The following AP3B1 variants were observed in gnomAD, a reference collection of about 807,000 sequenced individuals.
AP3B1 encodes adaptor related protein complex 3 subunit beta 1.
A neutral mutation model predicts 132.5 loss-of-function variants in AP3B1; 61 were observed. The ratio of observed to expected loss-of-function variants is 0.46; its 90% confidence interval spans 0.37 to 0.57. The LOEUF is 0.57. AP3B1 is among the 20% of genes least tolerant of loss of function. AP3B1 has a pLI of 0.00. For synonymous variants in AP3B1, 388 were observed against 438.3 expected, an observed-to-expected ratio of 0.89 and a Z score of 1.43; for missense variants, 1,120 against 1,289.4, an observed-to-expected ratio of 0.87 and a Z score of 2.01.
chr5:78,162,581 T>C (rs1049980343), intron 13 of AP3B1, among the ~76,000 whole-genome samples: 1 of 151,954 alleles, frequency 6.6e-6, no homozygotes, highest in Non-Finnish European at 1.5e-5. Context: ...TTTTCTTAGA[T>C]CTGTTGCGGT....
intron 26 of AP3B1, among the ~76,000 whole-genome samples, chr5:78,012,222 T>C (rs1487368145): frequency 2.0e-5 from 3 of 151,860 alleles, no homozygotes; most frequent in African/African-American, 7.2e-5. Flanking sequence ...TAATATAATA[T>C]GGAACACTAT....
At chr5:78,165,729 T>A in intron 11 of AP3B1, 57 bp from the exon 12 acceptor site, 1 of 1,148,754 alleles carries the variant, frequency 8.7e-7, no homozygotes, top group Non-Finnish European at 1.3e-6. Context: ...AAGATGAATT[T>A]AATAGAGTAC....
chr5:78,059,341 G>C (rs1748944331), intron 22 of AP3B1, among the ~76,000 whole-genome samples: 1 of 152,162 alleles, frequency 6.6e-6, no homozygotes, highest in Non-Finnish European at 1.5e-5. Context: ...CTGACGCCTT[G>C]AAAAATAATA....
intron 17 of AP3B1, among the ~76,000 whole-genome samples, chr5:78,119,958 C>A (rs1233447504): frequency 6.6e-6 from 1 of 152,200 alleles, no homozygotes; most frequent in East Asian, 1.9e-4. Context: ...GGGTTACCTA[C>A]AAAGGGAAGC....
intron 1 of AP3B1, among the ~76,000 whole-genome samples, chr5:78,293,852 C>T (rs1749637406): frequency 6.6e-6 from 1 of 152,054 alleles, no homozygotes; most frequent in South Asian, 2.1e-4. Flanking sequence ...TTCACAGTAA[C>T]ACTCTTTTAA....
chr5:78,263,288 A>C (rs577612673), intron 2 of AP3B1, among the ~76,000 whole-genome samples: 1 of 152,012 alleles, frequency 6.6e-6, no homozygotes, highest in African/African-American at 2.4e-5. Flanking sequence ...ATATTTGTTT[A>C]ATTTTATTTT....
intron 22 of AP3B1, among the ~76,000 whole-genome samples, chr5:78,082,526 T>C (rs1020700180): frequency 2.7e-4 from 41 of 152,232 alleles, no homozygotes; most frequent in African/African-American, 9.2e-4. Flanking sequence ...GGAAAAGTAT[T>C]ATCTCCATTT....
At chr5:78,243,004 C>T (rs1300100399) in intron 2 of AP3B1, among the ~76,000 whole-genome samples, 2 of 152,142 alleles carry the variant, frequency 1.3e-5, no homozygotes, top group African/African-American at 2.4e-5. Context: ...ATATGTGATA[C>T]TTGAAGCATT....
At chr5:78,096,317 A>G (rs1750781656) in intron 21 of AP3B1, among the ~76,000 whole-genome samples, 1 of 152,116 alleles carries the variant, frequency 6.6e-6, no homozygotes, top group Non-Finnish European at 1.5e-5. Context: ...TTAGTGCTCA[A>G]TGGTGCCCAG....
intron 21 of AP3B1, among the ~76,000 whole-genome samples, chr5:78,097,671 C>A (rs868258018): frequency 2.7e-5 from 4 of 148,334 alleles, no homozygotes; most frequent in Non-Finnish European, 4.5e-5. Context: ...GTCAGCCCCC[C>A]GCCCGGCCAG....
At chr5:78,010,912 T>C (rs1399596664) in intron 26 of AP3B1, among the ~76,000 whole-genome samples, 1 of 152,180 alleles carries the variant, frequency 6.6e-6, no homozygotes, top group Non-Finnish European at 1.5e-5. Flanking sequence ...GTGAAGATAT[T>C]CAGCTACATA....
intron 22 of AP3B1, chr5:78,087,408 G>T: frequency 8.9e-6 from 4 of 450,992 alleles, no homozygotes; most frequent in Non-Finnish European, 1.2e-5. Context: ...GCTATTAGGA[G>T]CCATGACATT....
intron 23 of AP3B1, among the ~76,000 whole-genome samples, chr5:78,034,737 C>A (rs1481186868): frequency 2.0e-5 from 3 of 151,826 alleles, no homozygotes; most frequent in Non-Finnish European, 4.4e-5. Context: ...CTAATATTAT[C>A]TCTATAGGTA....
At chr5:78,251,758 C>A (rs1747646047) in intron 2 of AP3B1, among the ~76,000 whole-genome samples, 1 of 152,150 alleles carries the variant, frequency 6.6e-6, no homozygotes, top group African/African-American at 2.4e-5. Flanking sequence ...ACAGTCTAGG[C>A]CATAAGAACT....
chr5:78,278,643 T>C (rs1171388098), intron 1 of AP3B1, among the ~76,000 whole-genome samples: 3 of 131,962 alleles, frequency 2.3e-5, no homozygotes, highest in African/African-American at 8.9e-5. Flanking sequence ...GGGGACTAAT[T>C]AATTATGAGG....
chr5:78,047,113 T>C (rs1748369059), intron 22 of AP3B1, among the ~76,000 whole-genome samples: 1 of 152,244 alleles, frequency 6.6e-6, no homozygotes, highest in South Asian at 2.1e-4. Flanking sequence ...GATGGACATT[T>C]GGGTTACTTC....
At chr5:78,294,335 G>A (rs1224667851) in intron 1 of AP3B1, 117 bp downstream of exon 1, 2 of 1,485,470 alleles carry the variant, frequency 1.3e-6, no homozygotes, top group East Asian at 4.6e-5. Flanking sequence ...TTACCGCCCT[G>A]CCCTGCTCAG....
intron 22 of AP3B1, among the ~76,000 whole-genome samples, chr5:78,054,897 A>C (rs182973021): frequency 6.6e-6 from 1 of 152,056 alleles, no homozygotes; most frequent in African/African-American, 2.4e-5. Flanking sequence ...AGGGAAAAGG[A>C]TCCTCATACA....
At position 78,009,041 on chromosome 5, in the gene AP3B1, C is replaced by A. The variant is rs573568388; in HGVS notation, c.3132-5986G>T. Among the ~76,000 whole-genome samples, 3 of 152,242 alleles carry A rather than the reference C, an allele frequency of 2.0e-5. No individual in the cohort carries two copies. In the South Asian group the frequency reaches 6.2e-4, roughly 32 times the overall value. On this transcript the variant is annotated intron_variant, in intron 26 of 26. Coordinates refer to ENST00000255194, the MANE Select transcript of AP3B1 (RefSeq NM_003664.5). ...TCCAAAAAAATACTAAGTGAAGGAG[C>A]TACACATTATAGATCTTTTTAGGAT...
Sources: gnomAD v4.1 joint callset for allele counts (sites outside exome capture counted in the v4.1 genomes callset) on GRCh38, gnomAD v4.1.1 for gene constraint, MANE v1.5 for transcripts, NCBI Gene and HGNC (gene_info 2026-07-23, HGNC 2026-07-21) for gene names.